The following SRD5A2 variants were observed in gnomAD, a reference collection of about 807,000 sequenced individuals.
The protein encoded by SRD5A2 is 3-oxo-5-alpha-steroid 4-dehydrogenase 2.
A neutral mutation model predicts 27.4 loss-of-function variants in SRD5A2; 30 were observed. That is an observed-to-expected ratio of 1.10 (90% CI 0.82 to 1.49). The LOEUF is 1.49. Ranked by LOEUF, SRD5A2 falls within the 40% of genes most tolerant of loss-of-function variation. SRD5A2 has a pLI of 0.00. For synonymous variants in SRD5A2, 141 were observed against 133.6 expected, an observed-to-expected ratio of 1.06 and a Z score of -0.38; for missense variants, 348 against 323.4, an observed-to-expected ratio of 1.08 and a Z score of -0.58.
At chr2:31,630,309 G>A in the SRD5A2 span, among the ~76,000 whole-genome samples, 5 of 152,122 alleles carry the variant, frequency 3.3e-5, no homozygotes, top group African/African-American at 1.2e-4. Flanking sequence ...GAGAGAGAGA[G>A]ACAGAGAGAG....
chr2:31,527,117 G>A (rs547313642), intron 4 of SRD5A2: 2 of 152,192 alleles, frequency 1.3e-5, no homozygotes, highest in Non-Finnish European at 2.9e-5. Flanking sequence ...CAAAATTCTA[G>A]CCTCCAGAAC....
At chr2:31,637,263 T>C in the SRD5A2 span, among the ~76,000 whole-genome samples, 3 of 152,214 alleles carry the variant, frequency 2.0e-5, no homozygotes, top group Non-Finnish European at 2.9e-5. Context: ...TGGTTTGTAG[T>C]GGCTCATAAT....
the SRD5A2 span, among the ~76,000 whole-genome samples, chr2:31,592,216 G>T: frequency 2.7e-5 from 4 of 150,544 alleles, no homozygotes; most frequent in African/African-American, 9.8e-5. Flanking sequence ...TCTTTTGAAA[G>T]TGCCACCTCC....
chr2:31,634,559 T>C, the SRD5A2 span, among the ~76,000 whole-genome samples: 1 of 152,136 alleles, frequency 6.6e-6, no homozygotes, highest in Non-Finnish European at 1.5e-5. Context: ...ATAATATTTA[T>C]TTTTTATTTT....
At chr2:31,567,439 T>TGC (rs1666754577) in intron 1 of SRD5A2, among the ~76,000 whole-genome samples, 1 of 79,882 alleles carries the variant, frequency 1.3e-5, no homozygotes, top group African/African-American at 3.9e-5. Flanking sequence ...ATTTGGTGTG[T>TGC]GTGTGTGTGT....
the SRD5A2 span, among the ~76,000 whole-genome samples, chr2:31,635,570 A>C: frequency 6.6e-6 from 1 of 152,034 alleles, no homozygotes; most frequent in Admixed American, 6.6e-5. Flanking sequence ...AATAAATCCC[A>C]ATTGTCTCTT....
At chr2:31,569,159 T>C (rs1485330580) in intron 1 of SRD5A2, among the ~76,000 whole-genome samples, 2 of 152,216 alleles carry the variant, frequency 1.3e-5, no homozygotes, top group Admixed American at 1.3e-4. Context: ...GCCAGCTCTG[T>C]GGAGTGCGCA....
chr2:31,610,494 A>T, the SRD5A2 span, among the ~76,000 whole-genome samples: 1 of 152,172 alleles, frequency 6.6e-6, no homozygotes, highest in Non-Finnish European at 1.5e-5. Context: ...GTACCTCAAC[A>T]TAATATAAGT....
the SRD5A2 span, among the ~76,000 whole-genome samples, chr2:31,596,132 C>A: frequency 3.0e-4 from 45 of 152,194 alleles, no homozygotes; most frequent in African/African-American, 1.0e-3. Context: ...CATTCTCCTG[C>A]AAGGTGTGGT....
intron 1 of SRD5A2, among the ~76,000 whole-genome samples, chr2:31,576,381 A>G (rs1357582452): frequency 1.1e-4 from 4 of 37,504 alleles, no homozygotes; most frequent in South Asian, 9.3e-4. Context: ...ATGCAGCCAA[A>G]AAACACATGA....
At chr2:31,556,321 C>T (rs972686380) in intron 1 of SRD5A2, among the ~76,000 whole-genome samples, 1 of 152,104 alleles carries the variant, frequency 6.6e-6, no homozygotes, top group African/African-American at 2.4e-5. Context: ...TTTTATTATG[C>T]CATCTTGTAT....
At chr2:31,648,634 TA>T in the SRD5A2 span, among the ~76,000 whole-genome samples, 1 of 152,132 alleles carries the variant, frequency 6.6e-6, no homozygotes, top group Non-Finnish European at 1.5e-5. Flanking sequence ...TGCTTCCTCT[TA>T]AAAGAAAAAG....
At position 31,522,992 on chromosome 2, in the gene SRD5A2, T is replaced by C; in HGVS notation, c.*3204A>G. The C allele has an allele frequency of 4.5e-6, 1 of 220,846 alleles. No individual in the cohort carries two copies. 13.7% of individuals were successfully genotyped at this position (220,846 alleles called of 1,614,324 possible). A position where few individuals can be genotyped will look rare whatever the true frequency, so the allele number is the denominator to read the frequency against. On this transcript the variant is annotated 3_prime_UTR_variant, in exon 5 of 5. Transcript: ENST00000622030. ...TCAGGGTTGTAAAACCACGGATTTA[T>C]TTATTTGTTCCTGAAAGGGTCTAAG...
chr2:31,566,612 T>C (rs1666734529), intron 1 of SRD5A2, among the ~76,000 whole-genome samples: 2 of 152,226 alleles, frequency 1.3e-5, no homozygotes, highest in Admixed American at 6.5e-5. Context: ...TAAGGGATCA[T>C]CAACATCTTG....
chr2:31,599,515 C>G, the SRD5A2 span, among the ~76,000 whole-genome samples: 1,531 of 152,046 alleles, frequency 0.01, 16 homozygotes, highest in Non-Finnish European at 0.011. Flanking sequence ...ATTTTGGAAA[C>G]TATACAAATA....
intron 2 of SRD5A2, among the ~76,000 whole-genome samples, chr2:31,531,811 CACAA>C (rs1665914866): frequency 6.6e-6 from 1 of 152,310 alleles, no homozygotes; most frequent in South Asian, 2.1e-4. Context: ...TTAGCTCATT[CACAA>C]ACAGTCAAAT....
At chr2:31,592,340 G>A in the SRD5A2 span, among the ~76,000 whole-genome samples, 2 of 152,078 alleles carry the variant, frequency 1.3e-5, no homozygotes, top group Admixed American at 6.5e-5. Flanking sequence ...CTGGCTAACC[G>A]GAAGTCCTGA....
At chr2:31,634,005 A>G in the SRD5A2 span, among the ~76,000 whole-genome samples, 1 of 152,250 alleles carries the variant, frequency 6.6e-6, no homozygotes, top group Non-Finnish European at 1.5e-5. Context: ...ATAGCCAATC[A>G]TCTATCGCTT....
At chr2:31,584,790 C>T (rs1232970678), upstream of SRD5A2, among the ~76,000 whole-genome samples, 1 of 152,204 alleles carries the variant, frequency 6.6e-6, no homozygotes. Context: ...CCAACAAGGA[C>T]ACCAATTTAA....
Sources: allele counts gnomAD v4.1 joint callset (sites outside exome capture counted in the v4.1 genomes callset), GRCh38; gene constraint gnomAD v4.1.1; transcripts MANE v1.5; gene names NCBI Gene and HGNC (gene_info 2026-07-23, HGNC 2026-07-21).